PTPRH: variants seen among roughly 807,000 people sequenced by gnomAD.
PTPRH encodes the protein protein tyrosine phosphatase receptor type H.
A neutral mutation model predicts 130.2 loss-of-function variants in PTPRH; 113 were observed. That is an observed-to-expected ratio of 0.87 (90% CI 0.75 to 1.01). The LOEUF is 1.01. PTPRH is among the 50% of genes least tolerant of loss of function. PTPRH has a pLI of 0.00. For synonymous variants in PTPRH, 556 were observed against 577.9 expected (o/e 0.96, Z 0.54); for missense variants, 1,430 against 1,425.0 (o/e 1.00, Z -0.06).
rs2086664614 is a variant in PTPRH at position 55,195,815 on chromosome 19, T to G, written c.2257+707A>C. ...CGAACTCCTGAGCTCAAGTGATCCT[T>G]CCACCTCAGCCTCCCAAAGTGCTGG... On this transcript the variant is annotated intron_variant, in intron 10 of 19. Coordinates refer to ENST00000376350, the MANE Select transcript of PTPRH (RefSeq NM_002842.5). 2.0e-5 allele frequency among the ~76,000 whole-genome samples: 3 copies of G among 152,092 alleles called. No individual in the cohort carries two copies. The South Asian group carries it at 6.3e-4, about 32-fold the overall frequency.
In PTPRH at chr19:55,206,449, G is replaced by T. The variant is rs908732332; in HGVS notation, c.352+240C>A. Among the ~76,000 whole-genome samples, 5 of 151,260 alleles carry T rather than the reference G, an allele frequency of 3.3e-5. No homozygotes were observed. In the East Asian group the frequency reaches 9.8e-4, roughly 30 times the overall value. On this transcript the variant is annotated intron_variant, in intron 3 of 19. Coordinates refer to ENST00000376350, the MANE Select transcript of PTPRH (RefSeq NM_002842.5). The stretch of plus-strand genomic sequence containing the variant: ...AGCGATCCTCTCACCTCAGCCTCCC[G>T]AGTAGATGGGACCACGGGAACACGC...
chr19:55,185,431 C>A, intron 18 of PTPRH, 71 bp downstream of exon 18: 2 of 1,544,380 alleles, frequency 1.3e-6, no homozygotes, highest in Non-Finnish European at 1.8e-6. Flanking sequence ...CCCAGGGTCC[C>A]GTCTAACACA....
At position 55,207,200 on chromosome 19, in the gene PTPRH, C is replaced by T; in HGVS notation, c.52-1G>A. ...TGGCCCCTGTCCAGCTGCACAGGCC[C>T]TGGAGGGAACCCAGAGAAAACGGAG... is the stretch of plus-strand genomic sequence containing the variant. On this transcript the variant is annotated splice_acceptor_variant, in intron 1 of 19. Coordinates refer to ENST00000376350, the MANE Select transcript of PTPRH (RefSeq NM_002842.5). LOFTEE classifies it high-confidence loss of function. 1.2e-6 allele frequency: 2 copies of T among 1,613,026 alleles called. No homozygotes were observed. The highest frequency in any genetic ancestry group is 2.7e-5 in the African/African-American group (2 of 75,026).
At position 55,206,688 on chromosome 19, in the gene PTPRH, C is replaced by T; in HGVS notation, c.352+1G>A. On this transcript the variant is annotated splice_donor_variant, in intron 3 of 19. Coordinates refer to ENST00000376350, the MANE Select transcript of PTPRH (RefSeq NM_002842.5). LOFTEE classifies it high-confidence loss of function. ...AAAATAAAGCAGTGGCTGCCTCTTA[C>T]CTGTGGCAGTAGTGACAGTCCCCAC... 6.3e-7 allele frequency: 1 copy of T among 1,590,970 alleles called. No individual in the cohort carries two copies. Among genetic ancestry groups the T allele is most frequent in the Non-Finnish European group, 8.6e-7 (1 of 1,163,172 alleles).
chr19:55,185,815 T>A, intron 17 of PTPRH, 47 bp downstream of exon 17: 3 of 1,613,554 alleles, frequency 1.9e-6, no homozygotes, highest in Non-Finnish European at 2.5e-6. Context: ...GCATGGCATA[T>A]GTCACAGGGG....
chr19:55,192,037 C>A (rs971595904), intron 10 of PTPRH: 1 of 528,094 alleles, frequency 1.9e-6, no homozygotes. Flanking sequence ...TAATAAATAG[C>A]GAGTACATTT....
intron 3 of PTPRH, among the ~76,000 whole-genome samples, chr19:55,206,093 C>T (rs1460673550): frequency 6.6e-6 from 1 of 151,880 alleles, no homozygotes; most frequent in Non-Finnish European, 1.5e-5. Context: ...GTTAGTTGGG[C>T]ATGGTGGCAC....
intron 10 of PTPRH, among the ~76,000 whole-genome samples, chr19:55,193,181 T>A (rs886615370): frequency 6.6e-6 from 1 of 150,704 alleles, no homozygotes; most frequent in Non-Finnish European, 1.5e-5. Context: ...TGAGCTGAGA[T>A]TGCACGACTG....
chr19:55,198,805 C>T lies in PTPRH; in HGVS notation c.1528G>A (p.Val510Ile). 2 of 1,611,710 alleles carry T rather than the reference C, an allele frequency of 1.2e-6. 1 individual carries two copies. The highest frequency in any genetic ancestry group is 3.3e-4 in the Middle Eastern group (2 of 6,048). ...GPGQSSYSYWVSWVREGMTDP... is the reference protein window; with the variant it reads ...GPGQSSYSYWISWVREGMTDP... Reference sequence around the variant, plus strand: ...GTCATGCCTTCCCTGACCCATGAGACCCAGTAGCTGTAGGAAGACTGGCCT... The same window carrying T: ...GTCATGCCTTCCCTGACCCATGAGATCCAGTAGCTGTAGGAAGACTGGCCT... The change falls in exon 8 of 20, where the codon GTC becomes ATC. Residue 510 changes from valine to isoleucine, a missense_variant. By Grantham distance (29) the Val-to-Ile change is conservative. Transcript: ENST00000376350.
At chr19:55,200,875 G>A (rs867234261) in intron 6 of PTPRH, among the ~76,000 whole-genome samples, 53 of 152,012 alleles carry the variant, frequency 3.5e-4, no homozygotes, top group African/African-American at 1.2e-3. Context: ...CCCGGGAGGC[G>A]GAGCTTGCAG....
intron 14 of PTPRH, 119 bp downstream of exon 14, chr19:55,187,394 A>G: frequency 3.7e-6 from 2 of 544,812 alleles, no homozygotes; most frequent in East Asian, 6.9e-5. Flanking sequence ...AAGAAAAAAA[A>G]AAGGAGACCC....
intron 2 of PTPRH, 66 bp from the exon 3 acceptor site, chr19:55,207,021 G>C: frequency 6.4e-7 from 1 of 1,550,584 alleles, no homozygotes; most frequent in Non-Finnish European, 8.7e-7. Context: ...CCCAACCCCT[G>C]AGCTCACGCC....
At chr19:55,201,955 A>G in intron 6 of PTPRH, 101 bp downstream of exon 6, 2 of 1,536,762 alleles carry the variant, frequency 1.3e-6, no homozygotes, top group South Asian at 1.3e-5. Flanking sequence ...ACCTGGCTCA[A>G]TATGGCCCAG....
At chr19:55,206,232 CAA>C (rs549937134) in intron 3 of PTPRH, among the ~76,000 whole-genome samples, 5 of 125,424 alleles carry the variant, frequency 4.0e-5, no homozygotes. Context: ...GACTCTGCCT[CAA>C]AAAAAAAAAA....
At chr19:55,184,177 A>C (rs889706494) in intron 18 of PTPRH, among the ~76,000 whole-genome samples, 1 of 151,896 alleles carries the variant, frequency 6.6e-6, no homozygotes, top group Non-Finnish European at 1.5e-5. Flanking sequence ...CCAGCTACTC[A>C]GGAGGCTGAG....
chr19:55,184,032 C>T (rs1426863635), intron 18 of PTPRH, among the ~76,000 whole-genome samples: 1 of 151,986 alleles, frequency 6.6e-6, no homozygotes, highest in Non-Finnish European at 1.5e-5. Context: ...CGCCTGTAAT[C>T]CCAGCACTTT....
chr19:55,209,474 G>T lies in PTPRH; in HGVS notation c.-41C>A. 2.9e-6 allele frequency: 4 copies of T among 1,394,740 alleles called. No homozygotes were observed. The South Asian group carries it at 3.7e-5, about 13-fold the overall frequency. 86.4% of individuals were successfully genotyped at this position (1,394,740 alleles called of 1,614,324 possible). Reference sequence around the variant, plus strand: ...CGGGGACCCAGGAGTCCCAGGCCTAGTCCTTCCACCTGCTGGACTTTACAC... The same window carrying T: ...CGGGGACCCAGGAGTCCCAGGCCTATTCCTTCCACCTGCTGGACTTTACAC... On this transcript the variant is annotated 5_prime_UTR_variant, in exon 1 of 20. Coordinates refer to ENST00000376350, the MANE Select transcript of PTPRH (RefSeq NM_002842.5). The surrounding 1 kb of genome is among the most constrained non-coding windows in gnomAD (Gnocchi z 4.1).
intron 5 of PTPRH, among the ~76,000 whole-genome samples, chr19:55,203,543 G>A (rs1335772625): frequency 6.6e-6 from 1 of 151,538 alleles, no homozygotes; most frequent in African/African-American, 2.4e-5. Context: ...AGCCTCCCGA[G>A]TAGGTGGGAC....
At position 55,205,107 on chromosome 19, in the gene PTPRH, T is replaced by C. The variant is rs548908616; in HGVS notation, c.619+219A>G. Among the ~76,000 whole-genome samples the C allele has an allele frequency of 2.6e-5, 4 of 152,238 alleles. No individual in the cohort carries two copies. The East Asian group carries it at 7.7e-4, about 29-fold the overall frequency. On this transcript the variant is annotated intron_variant, in intron 4 of 19. Transcript: ENST00000376350. ...CCTCTTGGTGCAGGAAGGTACATTC[T>C]AGAGAGTCCTAGACACAGACCGGCC...
Sources: allele counts gnomAD v4.1 joint callset (sites outside exome capture counted in the v4.1 genomes callset), GRCh38; gene constraint gnomAD v4.1.1; non-coding constraint Gnocchi (gnomAD v3.1); transcripts MANE v1.5; gene names NCBI Gene and HGNC (gene_info 2026-07-23, HGNC 2026-07-21).